Variants in RPS6KC1 observed in about 807,000 individuals in gnomAD.
The protein encoded by RPS6KC1 is inactive ribosomal protein S6 kinase delta-1.
A neutral mutation model predicts 103.8 loss-of-function variants in RPS6KC1; 54 were observed. The ratio of observed to expected loss-of-function variants is 0.52; its 90% CI spans 0.42 to 0.65. The LOEUF is 0.65. Ranked by LOEUF, RPS6KC1 falls within the 30% of genes least tolerant of loss-of-function variation. RPS6KC1 has a pLI of 0.00. For missense variants in RPS6KC1, 1,151 were observed against 1,253.8 expected, an observed-to-expected ratio of 0.92 and a Z score of 1.24; for synonymous variants, 439 against 438.7, an observed-to-expected ratio of 1.00 and a Z score of -0.01.
At chr1:213,848,912 C>T in the RPS6KC1 span, among the ~76,000 whole-genome samples, 1 of 151,718 alleles carries the variant, frequency 6.6e-6, no homozygotes, top group South Asian at 2.1e-4. Context: ...AATCCCGGGG[C>T]ATTAAGAGTG....
chr1:213,606,388 A>C, the RPS6KC1 span, among the ~76,000 whole-genome samples: 1 of 152,338 alleles, frequency 6.6e-6, no homozygotes, highest in African/African-American at 2.4e-5. Context: ...ATCAGTCCAC[A>C]GGGACTTATT....
the RPS6KC1 span, among the ~76,000 whole-genome samples, chr1:213,847,501 T>C: frequency 1.3e-5 from 2 of 152,144 alleles, no homozygotes; most frequent in African/African-American, 4.8e-5. Context: ...ACATTGAAAG[T>C]CCTTGTCAAA....
the RPS6KC1 span, among the ~76,000 whole-genome samples, chr1:213,471,483 T>C: frequency 6.6e-6 from 1 of 152,182 alleles, no homozygotes; most frequent in African/African-American, 2.4e-5. Flanking sequence ...TTGAGGTCAG[T>C]GGAAGGAGAA....
chr1:213,666,267 C>T, the RPS6KC1 span, among the ~76,000 whole-genome samples: 1 of 152,120 alleles, frequency 6.6e-6, no homozygotes, highest in African/African-American at 2.4e-5. Context: ...TATCAGATGA[C>T]CAAACTGAGA....
At chr1:213,294,867 T>C in the RPS6KC1 span, among the ~76,000 whole-genome samples, 1 of 152,190 alleles carries the variant, frequency 6.6e-6, no homozygotes, top group Non-Finnish European at 1.5e-5. Flanking sequence ...TCAAAATTAT[T>C]CTTTCTCCTC....
chr1:213,602,187 T>TTTC, the RPS6KC1 span, among the ~76,000 whole-genome samples: 24 of 99,164 alleles, frequency 2.4e-4, no homozygotes, highest in African/African-American at 9.8e-4. Context: ...TCTTTCTTTC[T>TTTC]TTTTCCCTCC....
chr1:213,328,674 G>A, the RPS6KC1 span, among the ~76,000 whole-genome samples: 1 of 151,430 alleles, frequency 6.6e-6, no homozygotes, highest in Non-Finnish European at 1.5e-5. Context: ...AAGGGGAGAG[G>A]AGAAAGGAAA....
At chr1:213,732,180 C>A in the RPS6KC1 span, among the ~76,000 whole-genome samples, 1 of 152,048 alleles carries the variant, frequency 6.6e-6, no homozygotes, top group Admixed American at 6.6e-5. Context: ...TTTCTTTTCT[C>A]AAATCTAGGT....
the RPS6KC1 span, among the ~76,000 whole-genome samples, chr1:213,660,182 A>G: frequency 6.6e-6 from 1 of 152,246 alleles, no homozygotes; most frequent in African/African-American, 2.4e-5. Context: ...TTATTTTGTA[A>G]TAAATGTGTG....
chr1:213,532,963 A>G, the RPS6KC1 span, among the ~76,000 whole-genome samples: 1 of 152,186 alleles, frequency 6.6e-6, no homozygotes, highest in Non-Finnish European at 1.5e-5. Flanking sequence ...GAGCAGAGGG[A>G]GAGTGAAAGG....
the RPS6KC1 span, among the ~76,000 whole-genome samples, chr1:213,490,177 T>C: frequency 1.3e-5 from 2 of 152,142 alleles, 1 homozygote; most frequent in East Asian, 3.9e-4. Flanking sequence ...TTGGGTGTGG[T>C]TTCTGCTTTT....
At chr1:213,287,219 G>A in the RPS6KC1 span, among the ~76,000 whole-genome samples, 1 of 145,704 alleles carries the variant, frequency 6.9e-6, no homozygotes, top group Non-Finnish European at 1.5e-5. Context: ...GGAACTTCTG[G>A]GGTGCCTATA....
At chr1:213,509,891 C>T in the RPS6KC1 span, among the ~76,000 whole-genome samples, 4 of 152,138 alleles carry the variant, frequency 2.6e-5, no homozygotes, top group Non-Finnish European at 4.4e-5. Context: ...TTTATTGAAG[C>T]ACATGCTCTG....
chr1:213,289,253 CA>C, the RPS6KC1 span, among the ~76,000 whole-genome samples: 1,566 of 77,012 alleles, frequency 0.02, 8 homozygotes, highest in African/African-American at 0.061. Context: ...GTTGGATGCT[CA>C]AAAAAAAAAA....
At chr1:213,197,883 G>C (rs1573202171) in intron 8 of RPS6KC1, among the ~76,000 whole-genome samples, 1 of 152,084 alleles carries the variant, frequency 6.6e-6, no homozygotes, top group African/African-American at 2.4e-5. Flanking sequence ...ACAGATACTT[G>C]GTGGATTTTT....
chr1:213,547,999 G>A, the RPS6KC1 span, among the ~76,000 whole-genome samples: 2 of 152,192 alleles, frequency 1.3e-5, no homozygotes, highest in Non-Finnish European at 2.9e-5. Flanking sequence ...TAGAAGTGTC[G>A]TTGGTATAGT....
the RPS6KC1 span, among the ~76,000 whole-genome samples, chr1:213,449,878 C>G: frequency 6.6e-6 from 1 of 152,122 alleles, no homozygotes; most frequent in Non-Finnish European, 1.5e-5. Context: ...AGAGATTGCT[C>G]TTCACCTCCT....
the RPS6KC1 span, among the ~76,000 whole-genome samples, chr1:213,644,655 A>G: frequency 6.6e-6 from 1 of 151,316 alleles, no homozygotes; most frequent in Non-Finnish European, 1.5e-5. Flanking sequence ...CTTTCATTTT[A>G]GTAATATGCA....
the RPS6KC1 span, among the ~76,000 whole-genome samples, chr1:213,414,440 T>C: frequency 3.3e-5 from 5 of 152,212 alleles, no homozygotes; most frequent in East Asian, 7.7e-4. Context: ...TCACAAGAGA[T>C]AGAACAGAGA....
Sources: allele counts gnomAD v4.1 joint callset (sites outside exome capture counted in the v4.1 genomes callset), GRCh38; gene constraint gnomAD v4.1.1; transcripts MANE v1.5; gene names NCBI Gene and HGNC (gene_info 2026-07-23, HGNC 2026-07-21).